Variants in MAGI2 observed in about 807,000 individuals in gnomAD.
The protein encoded by MAGI2 is membrane associated guanylate kinase, WW and PDZ domain containing 2.
A neutral mutation model predicts 133.3 loss-of-function variants in MAGI2; 35 were observed. The ratio of observed to expected loss-of-function variants is 0.26; its 90% CI spans 0.20 to 0.35. The LOEUF is 0.35. MAGI2 is among the 10% of genes least tolerant of loss of function. The probability of loss-of-function intolerance (pLI) is 1.00; values close to 1 mark genes in which losing one functional copy is unlikely to be tolerated. For synonymous variants in MAGI2, 729 were observed against 710.6 expected, an observed-to-expected ratio of 1.03 and a Z score of -0.41; for missense variants, 1,636 against 1,863.4, an observed-to-expected ratio of 0.88 and a Z score of 2.25.
At chr7:78,123,873 T>A (rs964960615) in intron 20 of MAGI2, among the ~76,000 whole-genome samples, 4 of 152,180 alleles carry the variant, frequency 2.6e-5, no homozygotes, top group African/African-American at 9.7e-5. Flanking sequence ...GGCTAGAGAA[T>A]CTACATTTCT....
At chr7:78,231,528 T>A (rs985277660) in intron 10 of MAGI2, among the ~76,000 whole-genome samples, 1 of 152,256 alleles carries the variant, frequency 6.6e-6, no homozygotes, top group South Asian at 2.1e-4. Context: ...ATTCTTAATG[T>A]GTTATTTCAC....
intron 10 of MAGI2, among the ~76,000 whole-genome samples, chr7:78,221,192 C>G (rs918983151): frequency 1.3e-5 from 2 of 152,218 alleles, no homozygotes; most frequent in African/African-American, 4.8e-5. Context: ...ATTCCCAGGA[C>G]AGGTTCAACA....
At chr7:79,438,467 C>G (rs533520681) in intron 1 of MAGI2, among the ~76,000 whole-genome samples, 1 of 152,174 alleles carries the variant, frequency 6.6e-6, no homozygotes, top group South Asian at 2.1e-4. Context: ...CCACAATATT[C>G]TGAAATATTG....
rs189553522 is a variant in MAGI2 at position 78,232,526 on chromosome 7, G to A, written c.2047+23417C>T. 1.1e-4 allele frequency among the ~76,000 whole-genome samples: 16 copies of A among 152,242 alleles called. No homozygotes were observed. The East Asian group carries it at 1.7e-3, about 17-fold the overall frequency. ...GATTCGGTGATCATTTGGTGTGTGC[G>A]GGTAAGGTGAAATTACTTGATCTAG... On this transcript the variant is annotated intron_variant, in intron 10 of 21. Coordinates refer to ENST00000354212, the MANE Select transcript of MAGI2 (RefSeq NM_012301.4).
intron 1 of MAGI2, among the ~76,000 whole-genome samples, chr7:79,161,408 T>A (rs1001941665): frequency 6.6e-6 from 1 of 152,110 alleles, no homozygotes; most frequent in Non-Finnish European, 1.5e-5. Flanking sequence ...TACTTTTCGA[T>A]AACAATGACT....
intron 6 of MAGI2, among the ~76,000 whole-genome samples, chr7:78,419,670 A>C (rs1482742152): frequency 6.6e-6 from 1 of 151,186 alleles, no homozygotes; most frequent in Non-Finnish European, 1.5e-5. Flanking sequence ...CTTTGCAGAG[A>C]ATCCAAGGCC....
At chr7:78,933,084 T>C (rs1800258995) in intron 2 of MAGI2, among the ~76,000 whole-genome samples, 1 of 152,090 alleles carries the variant, frequency 6.6e-6, no homozygotes, top group African/African-American at 2.4e-5. Context: ...CAAAAAGGGA[T>C]ATGTTTTTTG....
intron 2 of MAGI2, among the ~76,000 whole-genome samples, chr7:78,943,129 G>A (rs1801124143): frequency 6.6e-6 from 1 of 152,064 alleles, no homozygotes; most frequent in Admixed American, 6.6e-5. Context: ...CTTACTTCAA[G>A]GAGCAGTTTT....
At chr7:79,162,576 CTA>C in intron 1 of MAGI2, among the ~76,000 whole-genome samples, 1 of 152,132 alleles carries the variant, frequency 6.6e-6, no homozygotes, top group South Asian at 2.1e-4. Context: ...GCCTTCTAAA[CTA>C]TTATGTGTCA....
At chr7:78,046,740 C>T (rs537156564) in intron 21 of MAGI2, among the ~76,000 whole-genome samples, 1 of 152,058 alleles carries the variant, frequency 6.6e-6, no homozygotes. Flanking sequence ...AATGATGGCT[C>T]TAGCTACCCT....
At chr7:78,964,433 G>A (rs1803130412) in intron 2 of MAGI2, among the ~76,000 whole-genome samples, 1 of 151,940 alleles carries the variant, frequency 6.6e-6, no homozygotes, top group Admixed American at 6.6e-5. Flanking sequence ...CTAACTCGTG[G>A]TTTAATGTTT....
At chr7:79,280,523 G>A (rs931743569) in intron 1 of MAGI2, among the ~76,000 whole-genome samples, 2 of 152,146 alleles carry the variant, frequency 1.3e-5, no homozygotes, top group African/African-American at 4.8e-5. Flanking sequence ...AAGTCAGGGA[G>A]TAAGGGAATA....
At chr7:78,234,760 CTG>C (rs1790353886) in intron 10 of MAGI2, among the ~76,000 whole-genome samples, 1 of 152,056 alleles carries the variant, frequency 6.6e-6, no homozygotes, top group Admixed American at 6.6e-5. Context: ...CATGCAGGCA[CTG>C]TGATTCAACA....
chr7:78,326,259 C>T (rs1022350742), intron 9 of MAGI2, among the ~76,000 whole-genome samples: 6 of 152,192 alleles, frequency 3.9e-5, no homozygotes, highest in African/African-American at 1.4e-4. Context: ...TTCTCTGAAC[C>T]TGGATTGCCT....
chr7:78,655,454 C>CAAAAAAAAAAAAAAAAAAAAAAACCACCA, intron 2 of MAGI2, among the ~76,000 whole-genome samples: 1 of 64,950 alleles, frequency 1.5e-5, no homozygotes, highest in African/African-American at 6.3e-5. Context: ...AAAAAACAAC[C>CAAAAAAAAAAAAAAAAAAAAAAACCACCA]AAAAAAAAAA....
intron 20 of MAGI2, among the ~76,000 whole-genome samples, chr7:78,085,356 C>T (rs13230442): frequency 0.02 from 3,076 of 151,846 alleles, 42 homozygotes; most frequent in Middle Eastern, 0.071. Flanking sequence ...TGGCAAAACC[C>T]GCATCTCTAC....
chr7:78,083,327 T>TGAGAGG (rs1386702337), intron 20 of MAGI2, among the ~76,000 whole-genome samples: 5 of 117,798 alleles, frequency 4.2e-5, no homozygotes, highest in Middle Eastern at 4.7e-3. Flanking sequence ...GAGTTCCAGT[T>TGAGAGG]GAGAGGGAGA....
chr7:78,166,218 G>A (rs1474142828), intron 15 of MAGI2, among the ~76,000 whole-genome samples: 1 of 152,186 alleles, frequency 6.6e-6, no homozygotes, highest in Non-Finnish European at 1.5e-5. Flanking sequence ...AATTTAATTT[G>A]CAATAATCAG....
At chr7:78,860,237 T>A (rs1435376298) in intron 2 of MAGI2, among the ~76,000 whole-genome samples, 1 of 152,242 alleles carries the variant, frequency 6.6e-6, no homozygotes, top group African/African-American at 2.4e-5. Flanking sequence ...TGAAGCCTTC[T>A]TCTCTCAACT....
Sources: allele counts gnomAD v4.1 joint callset (sites outside exome capture counted in the v4.1 genomes callset), GRCh38; gene constraint gnomAD v4.1.1; transcripts MANE v1.5; gene names NCBI Gene and HGNC (gene_info 2026-07-23, HGNC 2026-07-21).